The following CSMD1 variants were observed in gnomAD, a reference collection of about 807,000 sequenced individuals.
The protein encoded by CSMD1 is CUB and Sushi multiple domains 1.
Under a neutral mutation model 417.5 loss-of-function variants are expected in CSMD1, and 213 were observed. The ratio of observed to expected loss-of-function variants is 0.51; its 90% CI spans 0.46 to 0.57. CSMD1 has a LOEUF of 0.57. Ranked by LOEUF, CSMD1 falls within the 20% of genes least tolerant of loss-of-function variation. CSMD1 has a pLI of 0.00. For missense variants in CSMD1, 6,923 were observed against 4,529.7 expected (o/e 1.53, Z -15.17); for synonymous variants, 2,862 against 1,736.8 (o/e 1.65, Z -16.11).
At chr8:4,182,712 G>C (rs969468049) in intron 3 of CSMD1, among the ~76,000 whole-genome samples, 2 of 151,834 alleles carry the variant, frequency 1.3e-5, no homozygotes, top group East Asian at 3.9e-4. Flanking sequence ...AAGTTAGAAA[G>C]AAAAAGAACA....
chr8:3,279,897 C>T (rs923999627), intron 26 of CSMD1, among the ~76,000 whole-genome samples: 3 of 152,168 alleles, frequency 2.0e-5, no homozygotes, highest in Non-Finnish European at 4.4e-5. Context: ...CTGGTCCCAC[C>T]CTTGACACAT....
At chr8:4,330,573 G>C (rs1799811152) in intron 3 of CSMD1, among the ~76,000 whole-genome samples, 1 of 147,020 alleles carries the variant, frequency 6.8e-6, no homozygotes. Context: ...CTGGGCAACA[G>C]AGTGAAACCC....
At chr8:3,593,838 C>G (rs981936052) in intron 8 of CSMD1, among the ~76,000 whole-genome samples, 1 of 152,152 alleles carries the variant, frequency 6.6e-6, no homozygotes, top group African/African-American at 2.4e-5. Flanking sequence ...CTATCTCCCT[C>G]TCTCTTTCTC....
intron 10 of CSMD1, among the ~76,000 whole-genome samples, chr8:3,495,911 C>G (rs2008700): frequency 0.19 from 28,839 of 152,010 alleles, 3,036 homozygotes; most frequent in East Asian, 0.28. Context: ...ATTATCTTAT[C>G]TTTCCTTAAG....
intron 5 of CSMD1, among the ~76,000 whole-genome samples, chr8:3,770,002 C>G (rs750877047): frequency 6.6e-6 from 1 of 152,174 alleles, no homozygotes; most frequent in Admixed American, 6.5e-5. Context: ...CTGCCTTTTT[C>G]TTCCTTTTTT....
At chr8:4,310,901 A>G (rs1039791545) in intron 3 of CSMD1, among the ~76,000 whole-genome samples, 3 of 152,330 alleles carry the variant, frequency 2.0e-5, no homozygotes, top group South Asian at 2.1e-4. Flanking sequence ...ATATGAAAAA[A>G]AGCTCAGTAT....
intron 6 of CSMD1, among the ~76,000 whole-genome samples, chr8:3,721,635 A>G (rs1305179341): frequency 6.6e-6 from 1 of 152,150 alleles, no homozygotes; most frequent in African/African-American, 2.4e-5. Flanking sequence ...TTATTTTGCA[A>G]ATACCTTTAT....
rs549399304 is a variant in CSMD1, at chr8:3,241,322, C to G, written c.4154-11091G>C. Among the ~76,000 whole-genome samples the G allele has an allele frequency of 8.6e-5, 13 of 151,274 alleles. No homozygotes were observed. The South Asian group carries it at 2.3e-3, about 27-fold the overall frequency. Reference sequence around the variant, plus strand: ...TCAATACCCACAACAGTTATGGAGGCAAGGGAAACAGGTCCTTGAAAAGAA... The same window carrying G: ...TCAATACCCACAACAGTTATGGAGGGAAGGGAAACAGGTCCTTGAAAAGAA... On this transcript the variant is annotated intron_variant, in intron 26 of 69. Transcript: ENST00000635120.
chr8:3,127,082 C>T (rs1817549187), intron 41 of CSMD1, among the ~76,000 whole-genome samples: 1 of 152,184 alleles, frequency 6.6e-6, no homozygotes, highest in African/African-American at 2.4e-5. Context: ...GAACATCCGT[C>T]AACAATGAAG....
intron 2 of CSMD1, among the ~76,000 whole-genome samples, chr8:4,600,087 G>C (rs867300213): frequency 5.9e-5 from 9 of 152,146 alleles, no homozygotes; most frequent in African/African-American, 2.2e-4. Context: ...GTGGAGTTAG[G>C]ACTAGAGGGT....
chr8:4,335,276 T>C (rs1179721869), intron 3 of CSMD1, among the ~76,000 whole-genome samples: 2 of 152,016 alleles, frequency 1.3e-5, no homozygotes, highest in African/African-American at 2.4e-5. Flanking sequence ...ACCTCCCAAA[T>C]GCCCTATGTC....
chr8:3,376,518 C>T (rs1241962969), intron 18 of CSMD1, among the ~76,000 whole-genome samples: 4 of 151,904 alleles, frequency 2.6e-5, no homozygotes, highest in African/African-American at 9.7e-5. Flanking sequence ...TGTTACCTCC[C>T]ATTCTCCGTG....
intron 1 of CSMD1, 136 bp downstream of exon 1, chr8:4,994,196 G>A (rs1584962850): frequency 1.4e-6 from 1 of 723,710 alleles, no homozygotes; most frequent in South Asian, 1.8e-5. Flanking sequence ...CGCGTTCCCC[G>A]AGCTTCGGCG....
chr8:4,190,332 T>G (rs1798947045), intron 3 of CSMD1, among the ~76,000 whole-genome samples: 1 of 151,326 alleles, frequency 6.6e-6, no homozygotes, highest in African/African-American at 2.4e-5. Flanking sequence ...TCACTGAAGT[T>G]AGGGGCCAGT....
At chr8:3,131,791 T>A (rs912725285) in intron 41 of CSMD1, among the ~76,000 whole-genome samples, 2 of 152,214 alleles carry the variant, frequency 1.3e-5, no homozygotes, top group Non-Finnish European at 2.9e-5. Context: ...TATTTTAATA[T>A]TATTGCCTGC....
intron 5 of CSMD1, among the ~76,000 whole-genome samples, chr8:3,993,790 C>T (rs1015485539): frequency 3.3e-5 from 5 of 152,186 alleles, no homozygotes; most frequent in African/African-American, 9.7e-5. Flanking sequence ...AGGGAGATCA[C>T]ACAACCTGTT....
intron 3 of CSMD1, among the ~76,000 whole-genome samples, chr8:4,241,987 C>T (rs897050509): frequency 6.6e-6 from 1 of 152,142 alleles, no homozygotes; most frequent in South Asian, 2.1e-4. Context: ...GCCAACAGTG[C>T]TTTAAAGTAA....
intron 5 of CSMD1, among the ~76,000 whole-genome samples, chr8:3,948,596 G>A (rs1020002606): frequency 1.3e-5 from 2 of 152,036 alleles, no homozygotes; most frequent in South Asian, 2.1e-4. Context: ...AACGATGAAC[G>A]TGTTTTAACA....
At chr8:4,393,208 T>G (rs1206960202) in intron 3 of CSMD1, among the ~76,000 whole-genome samples, 2 of 152,094 alleles carry the variant, frequency 1.3e-5, no homozygotes, top group Non-Finnish European at 2.9e-5. Flanking sequence ...ACTCCTCAGC[T>G]AAATTGATCT....
Sources: allele counts gnomAD v4.1 joint callset (sites outside exome capture counted in the v4.1 genomes callset), GRCh38; gene constraint gnomAD v4.1.1; transcripts MANE v1.5; gene names NCBI Gene and HGNC (gene_info 2026-07-23, HGNC 2026-07-21).